CNMD: variants seen among roughly 807,000 people sequenced by gnomAD.
The protein encoded by CNMD is leukocyte cell-derived chemotaxin 1.
A neutral mutation model predicts 37.5 loss-of-function variants in CNMD; 30 were observed. The observed-to-expected ratio is 0.80, with a 90% CI of 0.60 to 1.09. The LOEUF (loss-of-function observed/expected upper bound fraction) is 1.09, where lower values mean the gene tolerates loss of function less well. CNMD is among the 50% of genes least tolerant of loss of function. CNMD has a pLI of 0.00. For synonymous variants in CNMD, 167 were observed against 148.2 expected (o/e 1.13, Z -0.92); for missense variants, 398 against 423.9 (o/e 0.94, Z 0.54).
At chr13:52,706,399 A>T (rs1284299554) in intron 6 of CNMD, among the ~76,000 whole-genome samples, 1 of 152,220 alleles carries the variant, frequency 6.6e-6, no homozygotes, top group Non-Finnish European at 1.5e-5. Flanking sequence ...CACAATACTA[A>T]TAGCTAATAT....
intron 2 of CNMD, among the ~76,000 whole-genome samples, chr13:52,736,241 G>A (rs982596325): frequency 2.6e-5 from 4 of 152,196 alleles, no homozygotes; most frequent in Non-Finnish European, 2.9e-5. Context: ...TGAGCCGCCC[G>A]CCTCGGCCTC....
intron 5 of CNMD, among the ~76,000 whole-genome samples, chr13:52,712,160 A>G (rs1964299513): frequency 6.8e-6 from 1 of 148,098 alleles, no homozygotes; most frequent in Non-Finnish European, 1.5e-5. Context: ...TTCATTACCC[A>G]GAAATAGCTC....
At chr13:52,715,792 A>T (rs893841643) in intron 4 of CNMD, among the ~76,000 whole-genome samples, 1 of 152,206 alleles carries the variant, frequency 6.6e-6, no homozygotes. Context: ...TGCTATTGTG[A>T]ATAGTGCTGC....
intron 4 of CNMD, among the ~76,000 whole-genome samples, chr13:52,719,660 C>T (rs1041210589): frequency 2.0e-5 from 3 of 152,202 alleles, no homozygotes; most frequent in African/African-American, 7.2e-5. Context: ...GGCCCCCACT[C>T]TCTTTTGGCT....
At chr13:52,733,383 T>C in intron 2 of CNMD, 24 bp from the exon 3 acceptor site, 1 of 1,613,134 alleles carries the variant, frequency 6.2e-7, no homozygotes, top group South Asian at 1.1e-5. Flanking sequence ...TAAGAGTTAG[T>C]GATGCTTTCT....
Position 52,739,703 on chromosome 13 carries a change from T to C in CNMD, c.-2A>G. On this transcript the variant is annotated 5_prime_UTR_variant, in exon 1 of 7. Coordinates refer to ENST00000377962, the MANE Select transcript of CNMD (RefSeq NM_007015.3). This position sits in a 1 kb window ranked among gnomAD's most constrained non-coding sequence, Gnocchi z 5.4. ...AACTTTGTCGGAGTTCTCTGTCATG[T>C]TTGCGGCGGGAGGAGTGAGGCACTT... The C allele has an allele frequency of 6.2e-7, 1 of 1,614,078 alleles. No individual in the cohort carries two copies. Among genetic ancestry groups the C allele is most frequent in the Non-Finnish European group, 8.5e-7 (1 of 1,179,936 alleles).
At chr13:52,728,120 G>A (rs1440801918) in intron 3 of CNMD, among the ~76,000 whole-genome samples, 2 of 152,142 alleles carry the variant, frequency 1.3e-5, no homozygotes, top group African/African-American at 4.8e-5. Flanking sequence ...CAGGGCGGTG[G>A]CTCACGCCTG....
chr13:52,736,517 G>A (rs1035843637), intron 2 of CNMD, among the ~76,000 whole-genome samples: 1 of 152,186 alleles, frequency 6.6e-6, no homozygotes, highest in Non-Finnish European at 1.5e-5. Flanking sequence ...GGAGGATGTG[G>A]GGGGAGGAGG....
At position 52,739,167 on chromosome 13, in the gene CNMD, T is replaced by C; in HGVS notation, c.77A>G (p.Tyr26Cys). Reference protein sequence around the residue: ...DDVEFCSPPAYATLTVKPSSP... With the variant: ...DDVEFCSPPACATLTVKPSSP... ...GGAGGGCTTCACCGTCAGCGTAGCG[T>C]ACGCCTGCGGGCCGGGGCGGGAGAG... The change falls in exon 2 of 7, where the codon TAC (tyrosine) becomes TGC (cysteine). Residue 26 changes from tyrosine to cysteine, a missense_variant. Physicochemically the swap from Tyr to Cys is radical, Grantham distance 194. Coordinates refer to ENST00000377962, the MANE Select transcript of CNMD (RefSeq NM_007015.3). This position sits in a 1 kb window ranked among gnomAD's most constrained non-coding sequence, Gnocchi z 5.4. 6.7e-7 allele frequency: 1 copy of C among 1,495,002 alleles called. No individual in the cohort carries two copies. The highest frequency in any genetic ancestry group is 1.9e-4 in the Middle Eastern group (1 of 5,278). The allele number at this position is 1,495,002 out of a possible 1,614,324, so 92.6% of individuals were successfully genotyped here.
In CNMD at chr13:52,739,184, G is replaced by C. The variant is rs1964837964; in HGVS notation, c.73-13C>G. 1.4e-6 allele frequency: 2 copies of C among 1,466,992 alleles called. No homozygotes were observed. The highest frequency in any genetic ancestry group is 3.0e-5 in the African/African-American group (2 of 67,412). 90.9% of individuals were successfully genotyped at this position (1,466,992 alleles called of 1,614,324 possible). A position where few individuals can be genotyped will look rare whatever the true frequency, so the allele number is the denominator to read the frequency against. ...GCGTAGCGTACGCCTGCGGGCCGGG[G>C]CGGGAGAGGGACCGTCGCGTTTGTG... On this transcript the variant is annotated splice_polypyrimidine_tract_variant and intron_variant, in intron 1 of 6. Transcript: ENST00000377962. The surrounding 1 kb of genome is among the most constrained non-coding windows in gnomAD (Gnocchi z 5.4).
At chr13:52,714,376 C>T in intron 4 of CNMD, among the ~76,000 whole-genome samples, 1 of 152,128 alleles carries the variant, frequency 6.6e-6, no homozygotes, top group East Asian at 1.9e-4. Context: ...GACAGCCAAA[C>T]ATATTCCTAA....
chr13:52,714,201 G>A (rs1368733082), intron 4 of CNMD, among the ~76,000 whole-genome samples: 1 of 152,120 alleles, frequency 6.6e-6, no homozygotes, highest in African/African-American at 2.4e-5. Context: ...GGAAGAGGTT[G>A]AGCAGTGGCA....
At chr13:52,703,857 GT>G (rs1438602022) in intron 6 of CNMD, 47 bp from the exon 7 acceptor site, 1 of 1,483,424 alleles carries the variant, frequency 6.7e-7, no homozygotes, top group East Asian at 2.3e-5. Flanking sequence ...TAGTGGGAAG[GT>G]CATAGCATGC....
intron 3 of CNMD, among the ~76,000 whole-genome samples, chr13:52,725,621 A>G (rs1255460293): frequency 6.6e-6 from 1 of 152,192 alleles, no homozygotes; most frequent in Non-Finnish European, 1.5e-5. Flanking sequence ...TGCTGCTGTT[A>G]GTTTCAGGAC....
chr13:52,704,216 C>G (rs956134239), intron 6 of CNMD, among the ~76,000 whole-genome samples: 2 of 152,310 alleles, frequency 1.3e-5, no homozygotes, highest in East Asian at 1.9e-4. Context: ...TGGCTTCTTG[C>G]AGTAATAGCT....
intron 6 of CNMD, 103 bp from the exon 7 acceptor site, chr13:52,703,913 A>G (rs376457879): frequency 2.1e-6 from 2 of 938,024 alleles, no homozygotes; most frequent in Non-Finnish European, 3.2e-6. Context: ...TGCTACAGGA[A>G]GGTGTAATCT....
intron 4 of CNMD, among the ~76,000 whole-genome samples, chr13:52,720,459 G>A (rs1964463548): frequency 6.6e-6 from 1 of 151,602 alleles, no homozygotes; most frequent in Non-Finnish European, 1.5e-5. Flanking sequence ...GTTTTTCCTT[G>A]ATGTTGGTGA....
chr13:52,707,221 C>T (rs1964197134), intron 6 of CNMD, among the ~76,000 whole-genome samples: 1 of 152,138 alleles, frequency 6.6e-6, no homozygotes, highest in Non-Finnish European at 1.5e-5. Flanking sequence ...AAGCTAGCTA[C>T]AAATAAATAC....
intron 3 of CNMD, among the ~76,000 whole-genome samples, chr13:52,724,599 AAAAC>A (rs554172943): frequency 4.4e-4 from 67 of 151,928 alleles, no homozygotes; most frequent in Non-Finnish European, 8.4e-4. Flanking sequence ...TCTCAAAACA[AAAAC>A]AAAAAACAAA....
Sources: allele counts gnomAD v4.1 joint callset (sites outside exome capture counted in the v4.1 genomes callset), GRCh38; gene constraint gnomAD v4.1.1; non-coding constraint Gnocchi (gnomAD v3.1); transcripts MANE v1.5; gene names NCBI Gene and HGNC (gene_info 2026-07-23, HGNC 2026-07-21).